The following TNFRSF13B variants were observed in gnomAD, a reference collection of about 807,000 sequenced individuals.
The protein encoded by TNFRSF13B is tumor necrosis factor receptor superfamily member 13B.
TNFRSF13B carries 34 observed loss-of-function variants against 24.0 expected under a neutral mutation model. The observed-to-expected ratio is 1.41, with a 90% CI of 1.08 to 1.88. The LOEUF (loss-of-function observed/expected upper bound fraction) is 1.88, where lower values mean the gene tolerates loss of function less well. Among genes scored for constraint, TNFRSF13B ranks in the 40% most tolerant of loss-of-function variants. The pLI, the probability that TNFRSF13B is intolerant of heterozygous loss-of-function variation, is 0.00. For missense variants in TNFRSF13B, 415 were observed against 380.8 expected (o/e 1.09, Z -0.75); for synonymous variants, 173 against 150.3 (o/e 1.15, Z -1.10).
Position 16,952,629 on chromosome 17 carries a change from C to T in TNFRSF13B, c.62-46G>A, listed in dbSNP as rs200327501. 330 of 1,613,652 alleles carry T rather than the reference C, an allele frequency of 2.0e-4. 2 individuals are homozygous for T. In the African/African-American group the frequency reaches 3.8e-3, roughly 19 times the overall value. On this transcript the variant is annotated intron_variant, in intron 1 of 4. Coordinates refer to ENST00000261652, the MANE Select transcript of TNFRSF13B (RefSeq NM_012452.3). ...GGGCAGCTGGCAGGCGGCCACAGCCCGGCCTCTTGTCCCTGATGGGAACCA... is the reference window on the plus strand; with the variant it reads ...GGGCAGCTGGCAGGCGGCCACAGCCTGGCCTCTTGTCCCTGATGGGAACCA...
chr17:16,952,719 C>G, intron 1 of TNFRSF13B, 136 bp from the exon 2 acceptor site: 6 of 1,388,984 alleles, frequency 4.3e-6, no homozygotes, highest in East Asian at 2.5e-5. Context: ...AGAGGGCAGA[C>G]AAAGTTGGCT....
intron 1 of TNFRSF13B, among the ~76,000 whole-genome samples, chr17:16,957,507 A>AT (rs1258923552): frequency 1.3e-5 from 2 of 152,084 alleles, no homozygotes; most frequent in Non-Finnish European, 2.9e-5. Context: ...GTCTCAATAA[A>AT]TTTGATGCAG....
chr17:16,963,572 C>T (rs770594629), intron 1 of TNFRSF13B, among the ~76,000 whole-genome samples: 9 of 151,930 alleles, frequency 5.9e-5, no homozygotes, highest in South Asian at 2.1e-4. Flanking sequence ...TTTTTCGAGA[C>T]GGAGTCTGGC....
intron 1 of TNFRSF13B, among the ~76,000 whole-genome samples, chr17:16,966,022 G>A (rs2087696465): frequency 6.6e-6 from 1 of 152,066 alleles, no homozygotes; most frequent in African/African-American, 2.4e-5. Flanking sequence ...TGGAGCCCGA[G>A]GTGGGTGGAT....
chr17:16,958,557 A>G (rs767701128), intron 1 of TNFRSF13B, among the ~76,000 whole-genome samples: 2 of 152,066 alleles, frequency 1.3e-5, no homozygotes, highest in African/African-American at 2.4e-5. Flanking sequence ...ATTTTTTCCT[A>G]TATGATTTAA....
In TNFRSF13B at chr17:16,952,564, C is replaced by CT; in HGVS notation, c.80_81insA (p.Val29GlyfsTer52). ...CGGGGCAGGATCTCATAGCCACCCCCGTCCACAGGCCCTGTGGAACTGAGA... is the reference window on the plus strand; with the variant it reads ...CGGGGCAGGATCTCATAGCCACCCCCTGTCCACAGGCCCTGTGGAACTGAGA... On this transcript the variant is annotated frameshift_variant, in exon 2 of 5. Transcript: ENST00000261652. LOFTEE classifies it high-confidence loss of function. The CT allele has an allele frequency of 1.2e-6, 2 of 1,614,128 alleles. No individual in the cohort carries two copies. The highest frequency in any genetic ancestry group is 1.7e-6 in the Non-Finnish European group (2 of 1,179,974).
chr17:16,968,721 CTT>C (rs780259800), intron 1 of TNFRSF13B, among the ~76,000 whole-genome samples: 1 of 152,218 alleles, frequency 6.6e-6, no homozygotes, highest in Non-Finnish European at 1.5e-5. Context: ...AAATGAAAAA[CTT>C]TTGTGTTCCA....
In TNFRSF13B at chr17:16,939,609, T is replaced by G; in HGVS notation, c.820A>C (p.Ile274Leu). 6.2e-7 allele frequency: 1 copy of G among 1,613,540 alleles called. No homozygotes were observed. The highest frequency in any genetic ancestry group is 8.5e-7 in the Non-Finnish European group (1 of 1,179,732). ...RTTVLQPCPH[I>L]PDSGLGIVCV... ...ACAATGCCAAGGCCACTGTCTGGGA[T>G]GTGTGGGCAAGGCTGCAGGACTGTG... Residue 274 changes from isoleucine to leucine, a missense_variant, in exon 5 of 5, where the codon ATC (isoleucine) becomes CTC (leucine). By Grantham distance (5) the Ile-to-Leu change is conservative. Transcript: ENST00000261652.
chr17:16,940,808 T>G (rs2143642998), intron 3 of TNFRSF13B: 1 of 1,331,412 alleles, frequency 7.5e-7, no homozygotes, highest in East Asian at 3.2e-5. Flanking sequence ...GATGGGCTGA[T>G]GGGTGAATCG....
intron 1 of TNFRSF13B, among the ~76,000 whole-genome samples, chr17:16,959,378 TA>T (rs2087646279): frequency 6.6e-6 from 1 of 151,986 alleles, no homozygotes; most frequent in African/African-American, 2.4e-5. Context: ...AGAAGAATCA[TA>T]ACCTGATCAT....
At position 16,952,466 on chromosome 17, in the gene TNFRSF13B, C is replaced by G. The variant is rs373134429; in HGVS notation, c.179G>C (p.Arg60Pro). 2 of 1,614,032 alleles carry G rather than the reference C, an allele frequency of 1.2e-6. No individual in the cohort carries two copies. Among genetic ancestry groups the G allele is most frequent in the African/African-American group, 1.3e-5 (1 of 74,928 alleles). Residue 60 changes from arginine (R) to proline (P), a missense_variant, in exon 2 of 5, where the codon CGC becomes CCC. Physicochemically the swap from Arg to Pro is moderately radical, Grantham distance 103. Transcript: ENST00000261652. ...CKTICNHQSQ[R>P]TCAAFCRSLS... Reference sequence around the variant, plus strand: ...CTCACTGCAGAAGGCTGCACAGGTGCGCTGGCTCTGATGGTTGCAAATGGT... The same window carrying G: ...CTCACTGCAGAAGGCTGCACAGGTGGGCTGGCTCTGATGGTTGCAAATGGT...
chr17:16,948,893 G>C lies in TNFRSF13B; in HGVS notation c.290C>G (p.Pro97Arg), dbSNP rs754139414. Residue 97 changes from proline (P) to arginine (R), a missense_variant, in exon 3 of 5, where the codon CCT (proline) becomes CGT (arginine). Transcript: ENST00000261652. Reference sequence around the variant, plus strand: ...CTCACAGAAGTATGCACATTGCTTAGGGTGCTGTCCACAGATGGAGGCACA... The same window carrying C: ...CTCACAGAAGTATGCACATTGCTTACGGTGCTGTCCACAGATGGAGGCACA... The part of the protein sequence containing the change: ...ISCASICGQH[P>R]KQCAYFCENK... 65 of 1,614,058 alleles carry C rather than the reference G, an allele frequency of 4.0e-5. No homozygotes were observed. The highest frequency in any genetic ancestry group is 5.3e-5 in the Non-Finnish European group (62 of 1,180,046).
intron 1 of TNFRSF13B, among the ~76,000 whole-genome samples, chr17:16,960,730 A>G (rs941513323): frequency 8.5e-5 from 13 of 152,234 alleles, no homozygotes; most frequent in Non-Finnish European, 1.8e-4. Flanking sequence ...ATAGGCAATG[A>G]AAGGAAAAAA....
chr17:16,953,956 C>T (rs2087607976), intron 1 of TNFRSF13B, among the ~76,000 whole-genome samples: 1 of 152,072 alleles, frequency 6.6e-6, no homozygotes, highest in South Asian at 2.1e-4. Context: ...TAGTAGAGAG[C>T]GGGTTTCACT....
At chr17:16,953,789 G>A (rs2087606556) in intron 1 of TNFRSF13B, among the ~76,000 whole-genome samples, 1 of 151,398 alleles carries the variant, frequency 6.6e-6, no homozygotes, top group African/African-American at 2.4e-5. Flanking sequence ...TTTTTTCTTA[G>A]ATGGAGTCTT....
intron 1 of TNFRSF13B, among the ~76,000 whole-genome samples, chr17:16,955,428 T>C (rs72637382): frequency 0.026 from 3,945 of 152,272 alleles, 194 homozygotes; most frequent in East Asian, 0.22. Context: ...CAAATGAGAA[T>C]TGTTAGAATT....
rs1464303200 is a variant in TNFRSF13B, at chr17:16,939,445, CTG to C, written c.*100_*101del. 4 of 1,372,010 alleles carry C rather than the reference CTG, an allele frequency of 2.9e-6. No individual in the cohort carries two copies. The highest frequency in any genetic ancestry group is 3.0e-6 in the Non-Finnish European group (3 of 1,015,450). 85.0% of individuals were successfully genotyped at this position (1,372,010 alleles called of 1,614,324 possible). ...CTGTTTCTCTCCCTCTCTGCCTCCTCTGTCTCTCTCTCCTCATATCTCTCTCC... is the reference window on the plus strand; with the variant it reads ...CTGTTTCTCTCCCTCTCTGCCTCCTCTCTCTCTCTCCTCATATCTCTCTCC... On this transcript the variant is annotated 3_prime_UTR_variant, in exon 5 of 5. Transcript: ENST00000261652.
At chr17:16,963,638 C>A (rs542727911) in intron 1 of TNFRSF13B, among the ~76,000 whole-genome samples, 51 of 152,292 alleles carry the variant, frequency 3.3e-4, no homozygotes, top group Admixed American at 1.5e-3. Context: ...CAAGCTCCAC[C>A]TCCTGGGTTC....
intron 1 of TNFRSF13B, among the ~76,000 whole-genome samples, chr17:16,958,584 T>C (rs952848010): frequency 3.3e-5 from 5 of 151,912 alleles, no homozygotes; most frequent in African/African-American, 7.3e-5. Context: ...ATGAGTAAAA[T>C]AGTGGTAAAA....
Sources: allele counts gnomAD v4.1 joint callset (sites outside exome capture counted in the v4.1 genomes callset), GRCh38; gene constraint gnomAD v4.1.1; transcripts MANE v1.5; gene names NCBI Gene and HGNC (gene_info 2026-07-23, HGNC 2026-07-21).